Variants in BLNK observed in about 807,000 individuals in gnomAD.
The protein encoded by BLNK is B-cell linker protein.
A neutral mutation model predicts 73.5 loss-of-function variants in BLNK; 29 were observed. The ratio of observed to expected loss-of-function variants is 0.39; its 90% CI spans 0.29 to 0.54. BLNK has a LOEUF of 0.54. Among genes scored for constraint, BLNK ranks in the 20% least tolerant of loss-of-function variants. The probability of loss-of-function intolerance (pLI) is 0.61; values close to 1 mark genes in which losing one functional copy is unlikely to be tolerated. For synonymous variants in BLNK, 176 were observed against 200.8 expected, an observed-to-expected ratio of 0.88 and a Z score of 1.04; for missense variants, 460 against 562.8, an observed-to-expected ratio of 0.82 and a Z score of 1.85.
chr10:96,248,688 T>G (rs1554908324), intron 1 of BLNK, among the ~76,000 whole-genome samples: 1 of 152,200 alleles, frequency 6.6e-6, no homozygotes, highest in Non-Finnish European at 1.5e-5. Flanking sequence ...CTGCTTCTTC[T>G]GCCCTCCCCA....
At position 96,189,399 on chromosome 10, in the gene BLNK, T is replaced by G; in HGVS notation, c.*2574A>C. The G allele has an allele frequency of 1.7e-6, 1 of 591,434 alleles. No homozygotes were observed. The highest frequency in any genetic ancestry group is 1.9e-5 in the Admixed American group (1 of 52,068). 36.6% of individuals were successfully genotyped at this position (591,434 alleles called of 1,614,324 possible). On this transcript the variant is annotated 3_prime_UTR_variant, in exon 17 of 17. Coordinates refer to ENST00000224337, the MANE Select transcript of BLNK (RefSeq NM_013314.4). ...TCCACTGCCAGGATCTTGAATAGTC[T>G]CCTGGTCAGTTGTCCGGAAGCAATT...
At chr10:96,197,550 A>G (rs1168421125) in intron 15 of BLNK, among the ~76,000 whole-genome samples, 3 of 152,238 alleles carry the variant, frequency 2.0e-5, no homozygotes, top group African/African-American at 7.2e-5. Flanking sequence ...ATTAAGATCA[A>G]ATCTAGAGGA....
intron 6 of BLNK, 70 bp from the exon 7 acceptor site, chr10:96,216,804 T>C: frequency 7.5e-7 from 1 of 1,333,318 alleles, no homozygotes; most frequent in East Asian, 2.3e-5. Context: ...GAGGGAGTGA[T>C]TTTTTTAAAA....
chr10:96,231,373 G>T (rs1275074068), intron 3 of BLNK, among the ~76,000 whole-genome samples: 4 of 152,166 alleles, frequency 2.6e-5, no homozygotes, highest in Admixed American at 1.3e-4. Context: ...CTTAGTATGT[G>T]CCAGGCAATA....
intron 13 of BLNK, among the ~76,000 whole-genome samples, chr10:96,201,740 ATT>A (rs34602501): frequency 0.13 from 18,693 of 148,130 alleles, 1,210 homozygotes; most frequent in Middle Eastern, 0.17. Context: ...ACTTATCTGC[ATT>A]CATTCATTCA....
chr10:96,236,923 C>G (rs1396047780), intron 3 of BLNK, among the ~76,000 whole-genome samples: 1 of 152,130 alleles, frequency 6.6e-6, no homozygotes, highest in Non-Finnish European at 1.5e-5. Context: ...GGTGGGGGTA[C>G]AGCAATGGGG....
Position 96,196,935 on chromosome 10 carries a change from G to C in BLNK, c.1224C>G (p.Ala408=). Residue 408 remains alanine (A), a synonymous_variant, in exon 16 of 17, where the codon GCC becomes GCG. Coordinates refer to ENST00000224337, the MANE Select transcript of BLNK (RefSeq NM_013314.4). ...CTTCACCATTTTTCTTTCTGCCCAA[G>C]GCATATTGTTTTGTTGCTTCAATAA... The part of the protein sequence containing the change: ...VRFIEATKQY[A]LGRKKNGEEY... 1.2e-6 allele frequency: 2 copies of C among 1,613,392 alleles called. No individual in the cohort carries two copies. Among genetic ancestry groups the C allele is most frequent in the Non-Finnish European group, 1.7e-6 (2 of 1,179,734 alleles).
In BLNK at chr10:96,219,299, G is replaced by A. The variant is rs146278388; in HGVS notation, c.526-2565C>T. On this transcript the variant is annotated intron_variant, in intron 6 of 16. Coordinates refer to ENST00000224337, the MANE Select transcript of BLNK (RefSeq NM_013314.4). ...GAATAATGGGATGTTGAGTGGCTGC[G>A]GATCCCTGCAGGACCTTTTTGGTTC... is the stretch of plus-strand genomic sequence containing the variant. 3.4e-3 allele frequency among the ~76,000 whole-genome samples: 525 copies of A among 152,326 alleles called. 2 individuals carry two copies. The highest frequency in any genetic ancestry group is 0.012 in the African/African-American group (490 of 41,570).
Position 96,223,961 on chromosome 10 carries a change from T to C in BLNK, c.390A>G (p.Pro130=), listed in dbSNP as rs1645707304. The change falls in exon 6 of 17, where the codon CCA becomes CCG. Residue 130 remains proline (P), a synonymous_variant. Coordinates refer to ENST00000224337, the MANE Select transcript of BLNK (RefSeq NM_013314.4). ...TACTGGGAAGTGTCTTGCTGAAGGG[T>C]GGGGAATGCCTCTGGCTTGATCGAT... is the stretch of plus-strand genomic sequence containing the variant. The part of the protein sequence containing the change: ...IDNRSSQRHS[P]PFSKTLPSKP... 6.2e-7 allele frequency: 1 copy of C among 1,612,900 alleles called. No individual in the cohort carries two copies. The highest frequency in any genetic ancestry group is 8.5e-7 in the Non-Finnish European group (1 of 1,180,002).
intron 3 of BLNK, among the ~76,000 whole-genome samples, chr10:96,238,656 G>A (rs1054833420): frequency 6.6e-6 from 1 of 152,180 alleles, no homozygotes; most frequent in Admixed American, 6.5e-5. Flanking sequence ...GAACTGGGGT[G>A]GGGGAGAGAA....
At chr10:96,204,807 T>A (rs2083752429) in intron 11 of BLNK, 191 bp from the exon 12 acceptor site, 1 of 592,512 alleles carries the variant, frequency 1.7e-6, no homozygotes. Context: ...GGACCAGGAC[T>A]CCCTCCCAGC....
chr10:96,192,882 AGTG>A (rs1337161653), intron 16 of BLNK, among the ~76,000 whole-genome samples: 1 of 152,232 alleles, frequency 6.6e-6, no homozygotes, highest in Non-Finnish European at 1.5e-5. Flanking sequence ...ACTTTTTAAA[AGTG>A]GTGATTGTTT....
rs188507990 is a variant in BLNK at position 96,204,886 on chromosome 10, G to A, written c.818-270C>T. 235 of 408,952 alleles carry A rather than the reference G, an allele frequency of 5.7e-4. No homozygotes were observed. The Middle Eastern group carries it at 6.2e-3, about 11-fold the overall frequency. The allele number at this position is 408,952 out of a possible 1,614,324, so 25.3% of individuals were successfully genotyped here. On this transcript the variant is annotated intron_variant, in intron 11 of 16. Transcript: ENST00000224337. Reference sequence around the variant, plus strand: ...CAATGTACATAGAGACTGAACCCACGGGCCCTGAAACTTTAAGTGTGTGAG... The same window carrying A: ...CAATGTACATAGAGACTGAACCCACAGGCCCTGAAACTTTAAGTGTGTGAG...
intron 13 of BLNK, among the ~76,000 whole-genome samples, chr10:96,201,796 G>C (rs903244356): frequency 2.6e-5 from 4 of 152,066 alleles, no homozygotes; most frequent in African/African-American, 9.7e-5. Context: ...TGGATCAAAG[G>C]CATTGGGGAT....
Position 96,244,574 on chromosome 10 carries a change from G to A in BLNK, c.114-1790C>T, listed in dbSNP as rs149887413. On this transcript the variant is annotated intron_variant, in intron 2 of 16. Transcript: ENST00000224337. Reference sequence around the variant, plus strand: ...CACAGTCTTGTGTTAGGGAACCAGCGTGTTCAAGCGTGCTTCCTCCGTTCA... The same window carrying A: ...CACAGTCTTGTGTTAGGGAACCAGCATGTTCAAGCGTGCTTCCTCCGTTCA... 6.5e-3 allele frequency among the ~76,000 whole-genome samples: 996 copies of A among 152,272 alleles called. 9 individuals carry two copies. Among genetic ancestry groups the A allele is most frequent in the African/African-American group, 0.022 (905 of 41,548 alleles).
chr10:96,196,901 C>A lies in BLNK; in HGVS notation c.1251+7G>T. ...TATAGAATTGAATTTAAAAAGAAAT[C>A]ACTGACCTCTTCACCATTTTTCTTT... On this transcript the variant is annotated splice_region_variant and intron_variant, in intron 16 of 16. Coordinates refer to ENST00000224337, the MANE Select transcript of BLNK (RefSeq NM_013314.4). 1 of 1,612,614 alleles carries A rather than the reference C, an allele frequency of 6.2e-7. No homozygotes were observed. Among genetic ancestry groups the A allele is most frequent in the Non-Finnish European group, 8.5e-7 (1 of 1,179,304 alleles).
In BLNK at chr10:96,234,811, CTCTAT is replaced by C. The variant is rs1169641275; in HGVS notation, c.164-3982_164-3978del. On this transcript the variant is annotated intron_variant, in intron 3 of 16. Transcript: ENST00000224337. ...CACAAAGGCATGGATCCAAGAAAGC[CTCTAT>C]TGTAGTGAGTAAAATTTGGGGGAGA... 6.6e-5 allele frequency among the ~76,000 whole-genome samples: 10 copies of C among 152,290 alleles called. No individual in the cohort carries two copies. The East Asian group carries it at 1.9e-3, about 29-fold the overall frequency.
intron 6 of BLNK, among the ~76,000 whole-genome samples, chr10:96,217,567 A>G (rs1189297080): frequency 6.6e-6 from 1 of 152,096 alleles, no homozygotes; most frequent in African/African-American, 2.4e-5. Flanking sequence ...AATGATGTTG[A>G]GTATCTTTTT....
intron 1 of BLNK, among the ~76,000 whole-genome samples, chr10:96,256,485 A>G (rs749824808): frequency 2.6e-5 from 4 of 152,014 alleles, no homozygotes; most frequent in Non-Finnish European, 4.4e-5. Context: ...AATGTAATTG[A>G]CTCTGGGTTT....
Sources: gnomAD v4.1 joint callset for allele counts (sites outside exome capture counted in the v4.1 genomes callset) on GRCh38, gnomAD v4.1.1 for gene constraint, MANE v1.5 for transcripts, NCBI Gene and HGNC (gene_info 2026-07-23, HGNC 2026-07-21) for gene names.